Variants in SOBP observed in about 807,000 individuals in gnomAD.
SOBP encodes the protein sine oculis binding protein homolog.
Under a neutral mutation model 53.6 loss-of-function variants are expected in SOBP, and 4 were observed. The ratio of observed to expected loss-of-function variants is 0.07; its 90% CI spans 0.04 to 0.17. The LOEUF (loss-of-function observed/expected upper bound fraction) is 0.17. Among genes scored for constraint, SOBP ranks in the 10% least tolerant of loss-of-function variants. The probability of loss-of-function intolerance (pLI) is 1.00; values close to 1 mark genes in which losing one functional copy is unlikely to be tolerated. For missense variants in SOBP, 1,088 were observed against 1,204.7 expected (o/e 0.90, Z 1.43); for synonymous variants, 584 against 522.6 (o/e 1.12, Z -1.60).
chr6:107,571,758 C>T (rs887900156), intron 4 of SOBP, among the ~76,000 whole-genome samples: 1 of 152,156 alleles, frequency 6.6e-6, no homozygotes, highest in Non-Finnish European at 1.5e-5. Flanking sequence ...ATAGCTACTG[C>T]CTTGTCTATA....
intron 5 of SOBP, among the ~76,000 whole-genome samples, chr6:107,608,350 T>C (rs563419444): frequency 7.9e-5 from 12 of 152,312 alleles, no homozygotes; most frequent in Admixed American, 2.6e-4. Flanking sequence ...GGGCTAGATA[T>C]ATACTTTATG....
At chr6:107,536,277 C>G (rs1018348419) in intron 4 of SOBP, among the ~76,000 whole-genome samples, 1 of 152,132 alleles carries the variant, frequency 6.6e-6, no homozygotes, top group Non-Finnish European at 1.5e-5. Context: ...AAGAAAAATC[C>G]TAGTAGAAAA....
intron 5 of SOBP, among the ~76,000 whole-genome samples, chr6:107,600,639 C>T (rs1786144084): frequency 6.6e-6 from 1 of 152,164 alleles, no homozygotes. Context: ...GGAGCTGAAG[C>T]CTGAGGATAA....
intron 6 of SOBP, among the ~76,000 whole-genome samples, chr6:107,656,854 T>C (rs950074718): frequency 9.9e-5 from 15 of 152,248 alleles, no homozygotes; most frequent in Admixed American, 7.8e-4. Flanking sequence ...ATCACCTCTC[T>C]GAAGTTATTT....
chr6:107,512,385 C>T (rs1182010804), intron 3 of SOBP, among the ~76,000 whole-genome samples: 2 of 152,184 alleles, frequency 1.3e-5, no homozygotes, highest in African/African-American at 2.4e-5. Context: ...AAGAACTGTG[C>T]TGTAGTGAGT....
intron 5 of SOBP, among the ~76,000 whole-genome samples, chr6:107,593,904 T>C (rs1004801828): frequency 3.3e-5 from 5 of 152,230 alleles, no homozygotes; most frequent in African/African-American, 4.8e-5. Flanking sequence ...TGAGAAAGGG[T>C]TGAACATCTA....
intron 4 of SOBP, among the ~76,000 whole-genome samples, chr6:107,567,057 A>T (rs1443897293): frequency 1.3e-5 from 2 of 152,264 alleles, no homozygotes; most frequent in Admixed American, 1.3e-4. Context: ...TTTATTGAGC[A>T]CATATATCAA....
chr6:107,613,306 A>G (rs1786666640), intron 5 of SOBP, among the ~76,000 whole-genome samples: 1 of 152,198 alleles, frequency 6.6e-6, no homozygotes, highest in African/African-American at 2.4e-5. Context: ...CTAAGACTAG[A>G]CCCAGGAGAA....
At chr6:107,549,126 G>A (rs113230070) in intron 4 of SOBP, among the ~76,000 whole-genome samples, 2,843 of 152,046 alleles carry the variant, frequency 0.019, 90 homozygotes, top group African/African-American at 0.065. Flanking sequence ...AATTAGCTGG[G>A]CATGATGGCA....
rs797046001 is a variant in SOBP at position 107,635,256 on chromosome 6, G to A, written c.2412G>A (p.Pro804=). 10 of 1,613,940 alleles carry A rather than the reference G, an allele frequency of 6.2e-6. No individual in the cohort carries two copies. Among genetic ancestry groups the A allele is most frequent in the Non-Finnish European group, 6.8e-6 (8 of 1,180,006 alleles). Residue 804 remains proline (P), a synonymous_variant, in exon 6 of 7, where the codon CCG becomes CCA. Transcript: ENST00000317357. This position sits in a 1 kb window ranked among gnomAD's most constrained non-coding sequence, Gnocchi z 4.5. ...TGGCGGGGGGCGACAAGTCAGACCC[G>A]AACCTTAATAACCCCGCGGACGAGG... ...EALAGGDKSD[P]NLNNPADEDH... is the part of the protein sequence containing the mutation.
chr6:107,570,692 G>A (rs1785049221), intron 4 of SOBP, among the ~76,000 whole-genome samples: 1 of 152,218 alleles, frequency 6.6e-6, no homozygotes, highest in Non-Finnish European at 1.5e-5. Context: ...AGTCTGGGAG[G>A]TAGGGCTTTT....
chr6:107,582,197 C>T (rs985935549), intron 4 of SOBP, among the ~76,000 whole-genome samples: 2 of 152,116 alleles, frequency 1.3e-5, no homozygotes, highest in African/African-American at 4.8e-5. Flanking sequence ...TAGAATGTTC[C>T]ACCTTTTCTA....
At chr6:107,506,129 C>A in intron 2 of SOBP, 113 bp from the exon 3 acceptor site, 1 of 912,062 alleles carries the variant, frequency 1.1e-6, no homozygotes. Context: ...TAAAGATTTG[C>A]AAGAAAAAAT....
At chr6:107,651,378 G>A (rs1490456093) in intron 6 of SOBP, among the ~76,000 whole-genome samples, 1 of 152,164 alleles carries the variant, frequency 6.6e-6, no homozygotes, top group African/African-American at 2.4e-5. Flanking sequence ...AGATCAAACC[G>A]ACCACAATAT....
chr6:107,630,903 A>C (rs555872326), intron 5 of SOBP, among the ~76,000 whole-genome samples: 1 of 152,194 alleles, frequency 6.6e-6, no homozygotes, highest in African/African-American at 2.4e-5. Flanking sequence ...GTTTGATGAA[A>C]TAGGATTTTG....
In SOBP at chr6:107,569,858, A is replaced by T. The variant is rs536745602; in HGVS notation, c.574-17222A>T. On this transcript the variant is annotated intron_variant, in intron 4 of 6. Transcript: ENST00000317357. Reference sequence around the variant, plus strand: ...AGGCCTCGCCCCACCTGGGAAGGAAACCCATGTGTTCTGCAGCCGCCTGCA... The same window carrying T: ...AGGCCTCGCCCCACCTGGGAAGGAATCCCATGTGTTCTGCAGCCGCCTGCA... Among the ~76,000 whole-genome samples the T allele has an allele frequency of 1.4e-4, 21 of 152,158 alleles. No homozygotes were observed. The East Asian group carries it at 4.1e-3, about 29-fold the overall frequency.
intron 5 of SOBP, among the ~76,000 whole-genome samples, chr6:107,619,075 G>T (rs1478105396): frequency 6.6e-6 from 1 of 152,120 alleles, no homozygotes; most frequent in Non-Finnish European, 1.5e-5. Flanking sequence ...ATGCGGAGGG[G>T]CCCATGTGTA....
At chr6:107,617,264 G>A (rs1324644357) in intron 5 of SOBP, among the ~76,000 whole-genome samples, 1 of 152,146 alleles carries the variant, frequency 6.6e-6, no homozygotes, top group Non-Finnish European at 1.5e-5. Flanking sequence ...TCTAAAGAGG[G>A]CAGCGTGCCC....
At position 107,635,310 on chromosome 6, in the gene SOBP, C is replaced by G. The variant is rs748150551; in HGVS notation, c.2466C>G (p.Pro822=). 6.2e-7 allele frequency: 1 copy of G among 1,613,788 alleles called. No homozygotes were observed. The highest frequency in any genetic ancestry group is 1.7e-5 in the Admixed American group (1 of 60,028). The change falls in exon 6 of 7, where the codon CCC becomes CCG. Residue 822 remains proline, a synonymous_variant. Coordinates refer to ENST00000317357, the MANE Select transcript of SOBP (RefSeq NM_018013.4). This position sits in a 1 kb window ranked among gnomAD's most constrained non-coding sequence, Gnocchi z 4.5. ...ATGCCTATGCTCTGCGGATGCTGCCCAAGACCGGCTGCGTGATCCAGCCTG... is the reference window on the plus strand; with the variant it reads ...ATGCCTATGCTCTGCGGATGCTGCCGAAGACCGGCTGCGTGATCCAGCCTG... The part of the protein sequence containing the change: ...EDHAYALRML[P]KTGCVIQPVP...
Sources: gnomAD v4.1 joint callset for allele counts (sites outside exome capture counted in the v4.1 genomes callset) on GRCh38, gnomAD v4.1.1 for gene constraint, Gnocchi (gnomAD v3.1) non-coding constraint, MANE v1.5 for transcripts, NCBI Gene and HGNC (gene_info 2026-07-23, HGNC 2026-07-21) for gene names.